FMN1: variants seen among roughly 807,000 people sequenced by gnomAD.
FMN1 encodes formin-1.
A neutral mutation model predicts 132.4 loss-of-function variants in FMN1; 110 were observed. That is an observed-to-expected ratio of 0.83 (90% CI 0.71 to 0.97). The LOEUF (loss-of-function observed/expected upper bound fraction) is 0.97, where lower values mean the gene tolerates loss of function less well. Among genes scored for constraint, FMN1 ranks in the 50% least tolerant of loss-of-function variants. The pLI is 0.00. For synonymous variants in FMN1, 722 were observed against 651.7 expected (o/e 1.11, Z -1.64); for missense variants, 1,792 against 1,705.3 (o/e 1.05, Z -0.90).
At chr15:32,968,590 T>C in intron 8 of FMN1, 124 bp downstream of exon 8, 1 of 1,390,680 alleles carries the variant, frequency 7.2e-7, no homozygotes, top group South Asian at 1.5e-5. Context: ...TATCCAAGCA[T>C]TCACTGTATC....
intron 12 of FMN1, among the ~76,000 whole-genome samples, chr15:32,902,904 T>C (rs1361524213): frequency 6.6e-6 from 1 of 152,242 alleles, no homozygotes; most frequent in Middle Eastern, 3.2e-3. Flanking sequence ...GCCATTTATT[T>C]CATTTTGGTG....
chr15:33,133,720 G>A (rs542790290), intron 4 of FMN1, among the ~76,000 whole-genome samples: 3 of 152,106 alleles, frequency 2.0e-5, no homozygotes, highest in African/African-American at 4.8e-5. Context: ...GAACATTAAC[G>A]TTTCTACCCG....
chr15:32,805,266 G>A (rs1018093019), intron 17 of FMN1, among the ~76,000 whole-genome samples: 8 of 152,214 alleles, frequency 5.3e-5, no homozygotes, highest in Admixed American at 2.6e-4. Context: ...CAGTGATGAT[G>A]AGCATTTTTT....
intron 10 of FMN1, among the ~76,000 whole-genome samples, chr15:32,915,542 CA>C (rs1294385359): frequency 3.3e-5 from 5 of 152,254 alleles, no homozygotes; most frequent in African/African-American, 1.2e-4. Context: ...CTGTCTCTTC[CA>C]CGCATGTGTG....
intron 4 of FMN1, among the ~76,000 whole-genome samples, chr15:33,122,054 C>A (rs993354123): frequency 6.6e-6 from 1 of 152,060 alleles, no homozygotes; most frequent in Non-Finnish European, 1.5e-5. Flanking sequence ...GGCCAATAGA[C>A]AAAGAACAGA....
At chr15:33,057,091 T>C (rs1377418460) in intron 6 of FMN1, among the ~76,000 whole-genome samples, 1 of 152,154 alleles carries the variant, frequency 6.6e-6, no homozygotes, top group Non-Finnish European at 1.5e-5. Context: ...GGCAGAAGAA[T>C]GGGTTGAACA....
intron 9 of FMN1, among the ~76,000 whole-genome samples, chr15:32,948,553 C>CATTAA (rs2061557966): frequency 6.6e-6 from 1 of 151,934 alleles, no homozygotes; most frequent in Non-Finnish European, 1.5e-5. Flanking sequence ...TTTAATTAAC[C>CATTAA]TTAATATTTA....
intron 9 of FMN1, among the ~76,000 whole-genome samples, chr15:32,962,850 C>G (rs929649833): frequency 7.9e-5 from 12 of 151,656 alleles, no homozygotes; most frequent in African/African-American, 2.9e-4. Context: ...ACAACAGGTG[C>G]TGGAGAGCAT....
intron 5 of FMN1, among the ~76,000 whole-genome samples, chr15:33,077,078 G>C (rs2038241450): frequency 1.3e-5 from 2 of 152,206 alleles, no homozygotes; most frequent in Non-Finnish European, 2.9e-5. Flanking sequence ...GCCTAGGCTG[G>C]AGTGCAGTGG....
At chr15:33,120,373 T>C (rs1368273467) in intron 4 of FMN1, among the ~76,000 whole-genome samples, 2 of 152,142 alleles carry the variant, frequency 1.3e-5, no homozygotes, top group African/African-American at 4.8e-5. Context: ...GGTCAATGGA[T>C]TAGGTTACCA....
At chr15:32,904,249 C>T (rs914710327) in intron 12 of FMN1, among the ~76,000 whole-genome samples, 2 of 151,970 alleles carry the variant, frequency 1.3e-5, no homozygotes, top group Non-Finnish European at 2.9e-5. Flanking sequence ...GTCCCCGGAG[C>T]CCTGTGATGC....
At position 32,963,923 on chromosome 15, in the gene FMN1, T is replaced by TCACA. The variant is rs35753530; in HGVS notation, c.3138+180_3138+183dup. Among the ~76,000 whole-genome samples, 3,670 of 143,738 alleles carry TCACA rather than the reference T, an allele frequency of 0.026. 100 individuals are homozygous for TCACA. The highest frequency in any genetic ancestry group is 0.13 in the East Asian group (613 of 4,870). The allele number at this position is 143,738 out of a possible 152,430, so 94.3% of individuals were successfully genotyped here. A position where few individuals can be genotyped will look rare whatever the true frequency, so the allele number is the denominator to read the frequency against. On this transcript the variant is annotated intron_variant, in intron 9 of 20. Coordinates refer to ENST00000616417, the MANE Select transcript of FMN1 (RefSeq NM_001277313.2). ...ACAGCATGTAATGAATTCCTATGAA[T>TCACA]CACACACACACACACACACACACAG...
At chr15:32,982,107 T>G (rs2032723180) in intron 7 of FMN1, among the ~76,000 whole-genome samples, 1 of 152,144 alleles carries the variant, frequency 6.6e-6, no homozygotes, top group Admixed American at 6.5e-5. Context: ...CCAAGAGAGA[T>G]ATACGAATAG....
At chr15:32,876,873 T>C (rs1199077107) in intron 16 of FMN1, among the ~76,000 whole-genome samples, 1 of 152,232 alleles carries the variant, frequency 6.6e-6, no homozygotes, top group Admixed American at 6.5e-5. Flanking sequence ...GGATACAACA[T>C]TTAATTTGTT....
chr15:32,854,362 T>C (rs1333529975), intron 17 of FMN1, among the ~76,000 whole-genome samples: 1 of 152,206 alleles, frequency 6.6e-6, no homozygotes, highest in Non-Finnish European at 1.5e-5. Context: ...AATGAAATAA[T>C]TGTAACAAGC....
At chr15:32,952,533 A>G (rs899512852) in intron 9 of FMN1, among the ~76,000 whole-genome samples, 1 of 152,238 alleles carries the variant, frequency 6.6e-6, no homozygotes, top group African/African-American at 2.4e-5. Flanking sequence ...TTTAGAGTCA[A>G]TATGAATGTA....
rs529830833 is a variant in FMN1 at position 32,797,303 on chromosome 15, A to G, written c.4130+1501T>C. On this transcript the variant is annotated intron_variant, in intron 19 of 20. Coordinates refer to ENST00000616417, the MANE Select transcript of FMN1 (RefSeq NM_001277313.2). The stretch of plus-strand genomic sequence containing the variant: ...GGCCCCAAGGACAAATATACTAAGG[A>G]CTGTGCTCAAAATCTGAGGTGTAAA... 3.8e-4 allele frequency among the ~76,000 whole-genome samples: 58 copies of G among 152,282 alleles called. 1 individual carries two copies. The highest frequency in any genetic ancestry group is 1.1e-3 in the Admixed American group (17 of 15,306).
intron 3 of FMN1, among the ~76,000 whole-genome samples, chr15:33,178,846 T>C (rs1380451959): frequency 6.6e-6 from 1 of 152,222 alleles, no homozygotes; most frequent in African/African-American, 2.4e-5. Flanking sequence ...ATGAACCTTT[T>C]GCAATGTATT....
At chr15:32,841,977 C>T (rs2058754567) in intron 17 of FMN1, among the ~76,000 whole-genome samples, 3 of 152,090 alleles carry the variant, frequency 2.0e-5, no homozygotes, top group South Asian at 2.1e-4. Context: ...ATTAGGACAC[C>T]GTGGTAGCTT....
Sources: gnomAD v4.1 joint callset for allele counts (sites outside exome capture counted in the v4.1 genomes callset) on GRCh38, gnomAD v4.1.1 for gene constraint, MANE v1.5 for transcripts, NCBI Gene and HGNC (gene_info 2026-07-23, HGNC 2026-07-21) for gene names.